The following PCDHGA4 variants were observed in gnomAD, a reference collection of about 807,000 sequenced individuals.
PCDHGA4 encodes protocadherin gamma-A4.
In PCDHGA4, 38 loss-of-function variants were observed where a neutral mutation model predicts 54.6. That is an observed-to-expected ratio of 0.70 (90% CI 0.54 to 0.91). PCDHGA4 has a LOEUF of 0.91. PCDHGA4 is among the 40% of genes least tolerant of loss of function. PCDHGA4 has a pLI of 0.00. For synonymous variants in PCDHGA4, 511 were observed against 512.9 expected (o/e 1.00, Z 0.05); for missense variants, 1,298 against 1,220.9 (o/e 1.06, Z -0.94).
chr5:141,461,040 G>A (rs536064886), intron 1 of PCDHGA4, among the ~76,000 whole-genome samples: 123 of 150,514 alleles, frequency 8.2e-4, no homozygotes, highest in East Asian at 2.5e-3. Flanking sequence ...CTCATTAGTC[G>A]ATGGGGACTT....
intron 1 of PCDHGA4, chr5:141,430,781 C>A: frequency 6.6e-7 from 1 of 1,510,922 alleles, no homozygotes; most frequent in Non-Finnish European, 8.8e-7. Context: ...GCGACTGCAC[C>A]GGGACTACAA....
chr5:141,384,924 G>A (rs1467129756), intron 1 of PCDHGA4: 2 of 1,613,840 alleles, frequency 1.2e-6, no homozygotes, highest in African/African-American at 2.7e-5. Flanking sequence ...TGGCCGACCT[G>A]GGCAGCCTTG....
intron 1 of PCDHGA4, chr5:141,362,563 T>C: frequency 6.2e-7 from 1 of 1,608,274 alleles, no homozygotes; most frequent in Non-Finnish European, 8.5e-7. Context: ...GAAGGTGAGC[T>C]TTAATTAATT....
chr5:141,507,344 AT>A (rs1345461058), intron 3 of PCDHGA4: 5 of 152,206 alleles, frequency 3.3e-5, no homozygotes, highest in Non-Finnish European at 5.9e-5. Context: ...TTTACCTGAA[AT>A]TCAAATTTAA....
chr5:141,482,661 T>G (rs1215403061), intron 1 of PCDHGA4, among the ~76,000 whole-genome samples: 1 of 151,742 alleles, frequency 6.6e-6, no homozygotes, highest in Non-Finnish European at 1.5e-5. Flanking sequence ...TGAGCTATGA[T>G]CTAAAGGTTG....
At chr5:141,389,463 G>A (rs1201903320) in intron 1 of PCDHGA4, 7 of 1,613,192 alleles carry the variant, frequency 4.3e-6, no homozygotes, top group South Asian at 1.1e-5. Context: ...GCGCGCCTTC[G>A]AACTCACACT....
chr5:141,376,266 C>T (rs200515281), intron 1 of PCDHGA4: 171 of 1,614,088 alleles, frequency 1.1e-4, no homozygotes, highest in Non-Finnish European at 1.3e-4. Context: ...CTGCAGGCTT[C>T]GGGAGGTGGC....
At chr5:141,375,026 T>C in intron 1 of PCDHGA4, 2 of 1,614,030 alleles carry the variant, frequency 1.2e-6, no homozygotes, top group Non-Finnish European at 1.7e-6. Context: ...CTCGAGTTTT[T>C]ATGAGCTGGG....
intron 1 of PCDHGA4, chr5:141,403,191 G>A (rs368387997): frequency 1.1e-5 from 18 of 1,613,876 alleles, no homozygotes; most frequent in Non-Finnish European, 1.4e-5. Context: ...CTGAACCCGC[G>A]CAGCGGCACC....
chr5:141,409,903 G>A (rs570063514), intron 1 of PCDHGA4: 1 of 1,613,268 alleles, frequency 6.2e-7, no homozygotes, highest in Non-Finnish European at 8.5e-7. Flanking sequence ...ACCCAGCTCT[G>A]GGTCCTGACG....
intron 1 of PCDHGA4, among the ~76,000 whole-genome samples, chr5:141,429,377 G>GTT (rs566693637): frequency 2.2e-4 from 33 of 149,524 alleles, no homozygotes; most frequent in South Asian, 1.5e-3. Context: ...GAGAAAATGT[G>GTT]TTTTTTTTTT....
chr5:141,425,812 G>GA (rs574320012), intron 1 of PCDHGA4, among the ~76,000 whole-genome samples: 9 of 152,054 alleles, frequency 5.9e-5, no homozygotes, highest in South Asian at 4.1e-4. Flanking sequence ...CTTCTGCTTA[G>GA]AAAAAAACAA....
At position 141,485,680 on chromosome 5, in the gene PCDHGA4, C is replaced by A. The variant is rs1450674419; in HGVS notation, c.2515-9127C>A. The A allele has an allele frequency of 6.2e-7, 1 of 1,613,966 alleles. No individual in the cohort carries two copies. On this transcript the variant is annotated intron_variant, in intron 1 of 3. Transcript: ENST00000571252. The surrounding 1 kb of genome is among the most constrained non-coding windows in gnomAD (Gnocchi z 5.7). ...ATGTGGGGAGCAATTCGATTAGCAGCTATAGGCTGAGCTCCAATGAACACT... is the reference window on the plus strand; with the variant it reads ...ATGTGGGGAGCAATTCGATTAGCAGATATAGGCTGAGCTCCAATGAACACT...
chr5:141,477,551 C>A lies in PCDHGA4; in HGVS notation c.2515-17256C>A. The A allele has an allele frequency of 6.2e-7, 1 of 1,614,178 alleles. No homozygotes were observed. The highest frequency in any genetic ancestry group is 1.3e-5 in the African/African-American group (1 of 75,032). ...CCTCCCCGGGGCTCCAATACTAAAC[C>A]TAAGTGTCTGGGACCCCGACGCCCC... is the stretch of plus-strand genomic sequence containing the variant. On this transcript the variant is annotated intron_variant, in intron 1 of 3. Transcript: ENST00000571252. The surrounding 1 kb of genome is among the most constrained non-coding windows in gnomAD (Gnocchi z 4.9).
At chr5:141,408,687 T>C (rs1394182828) in intron 1 of PCDHGA4, 3 of 1,613,928 alleles carry the variant, frequency 1.9e-6, no homozygotes, top group East Asian at 2.2e-5. Flanking sequence ...GATCCTGATA[T>C]AAACATAAAC....
chr5:141,465,440 A>T (rs1478987071), intron 1 of PCDHGA4, among the ~76,000 whole-genome samples: 1 of 152,194 alleles, frequency 6.6e-6, no homozygotes, highest in Non-Finnish European at 1.5e-5. Flanking sequence ...CTTAATGATT[A>T]CCCAAGAAAA....
chr5:141,397,379 T>C (rs1470838357), intron 1 of PCDHGA4, among the ~76,000 whole-genome samples: 1 of 152,206 alleles, frequency 6.6e-6, no homozygotes, highest in East Asian at 1.9e-4. Context: ...TGGGGATTGG[T>C]ATAAAATTGC....
intron 1 of PCDHGA4, chr5:141,372,650 C>T (rs1768944912): frequency 6.2e-7 from 1 of 1,614,008 alleles, no homozygotes; most frequent in African/African-American, 1.3e-5. Context: ...CTTATTCCTA[C>T]AATCCGTGTG....
Position 141,394,937 on chromosome 5 carries a change from C to T in PCDHGA4, c.2514+37316C>T, listed in dbSNP as rs1224179687. 4.3e-6 allele frequency: 7 copies of T among 1,613,688 alleles called. No individual in the cohort carries two copies. In the East Asian group the frequency reaches 8.9e-5, roughly 21 times the overall value. ...TCTCCTGTGTCTTCCTCGCCTTTGT[C>T]GCTGTGCTTCTGGGGCTCAGGCTGA... On this transcript the variant is annotated intron_variant, in intron 1 of 3. Transcript: ENST00000571252.
Sources: gnomAD v4.1 joint callset for allele counts (sites outside exome capture counted in the v4.1 genomes callset) on GRCh38, gnomAD v4.1.1 for gene constraint, Gnocchi (gnomAD v3.1) non-coding constraint, MANE v1.5 for transcripts, NCBI Gene and HGNC (gene_info 2026-07-23, HGNC 2026-07-21) for gene names.